Variants in INPP5A observed in about 807,000 individuals in gnomAD.
INPP5A encodes inositol polyphosphate-5-phosphatase A.
Under a neutral mutation model 65.2 loss-of-function variants are expected in INPP5A, and 14 were observed. The ratio of observed to expected loss-of-function variants is 0.21; its 90% confidence interval spans 0.14 to 0.34. The LOEUF is 0.34. Among genes scored for constraint, INPP5A ranks in the 10% least tolerant of loss-of-function variants. The pLI is 1.00. For missense variants in INPP5A, 431 were observed against 545.6 expected, an observed-to-expected ratio of 0.79 and a Z score of 2.09; for synonymous variants, 207 against 208.3, an observed-to-expected ratio of 0.99 and a Z score of 0.05.
At chr10:132,719,073 C>T (rs1471645700) in intron 8 of INPP5A, among the ~76,000 whole-genome samples, 1 of 134,012 alleles carries the variant, frequency 7.5e-6, no homozygotes, top group African/African-American at 2.8e-5. Context: ...GGCTGTCTCG[C>T]GGGTTCTGTG....
chr10:132,726,797 A>G (rs1404834280), intron 8 of INPP5A, 24 bp from the exon 9 acceptor site: 1 of 1,568,870 alleles, frequency 6.4e-7, no homozygotes, highest in Non-Finnish European at 8.7e-7. Flanking sequence ...CGCCCTCGGT[A>G]ACAAGTCCTC....
Position 132,698,000 on chromosome 10 carries a change from G to T in INPP5A, c.474+81G>T. The T allele has an allele frequency of 3.4e-6, 3 of 873,584 alleles. No individual in the cohort carries two copies. Among genetic ancestry groups the T allele is most frequent in the Non-Finnish European group, 3.8e-6 (2 of 526,724 alleles). 54.1% of individuals were successfully genotyped at this position (873,584 alleles called of 1,614,324 possible). The stretch of plus-strand genomic sequence containing the variant: ...AAGTGACATGGAACACGGAATTTTC[G>T]CATTGCACTGTTACTAGTCACAGCT... On this transcript the variant is annotated intron_variant, in intron 6 of 15. Coordinates refer to ENST00000368594, the MANE Select transcript of INPP5A (RefSeq NM_005539.5). This position sits in a 1 kb window ranked among gnomAD's most constrained non-coding sequence, Gnocchi z 5.6.
In INPP5A at chr10:132,587,376, CTG is replaced by C. The variant is rs2071557889; in HGVS notation, c.76-20538_76-20537del. 6.6e-6 allele frequency among the ~76,000 whole-genome samples: 1 copy of C among 152,178 alleles called. No homozygotes were observed. The highest frequency in any genetic ancestry group is 1.5e-5 in the Non-Finnish European group (1 of 68,034). On this transcript the variant is annotated intron_variant, in intron 1 of 15. Transcript: ENST00000368594. This position sits in a 1 kb window ranked among gnomAD's most constrained non-coding sequence, Gnocchi z 4.3. The stretch of plus-strand genomic sequence containing the variant: ...AGTTGGGTGGCCCAGCCTGCTTCTG[CTG>C]CTGCCAGCACAGCCCATGGTGTGCT...
intron 8 of INPP5A, among the ~76,000 whole-genome samples, chr10:132,724,590 G>A (rs1371669137): frequency 6.6e-6 from 1 of 151,738 alleles, no homozygotes; most frequent in Admixed American, 6.6e-5. Context: ...CTCACAAGGA[G>A]GCCCCAGGCC....
At position 132,550,931 on chromosome 10, in the gene INPP5A, C is replaced by T. The variant is rs2071041187; in HGVS notation, c.75+12760C>T. 6.6e-6 allele frequency among the ~76,000 whole-genome samples: 1 copy of T among 152,180 alleles called. No homozygotes were observed. The highest frequency in any genetic ancestry group is 1.5e-5 in the Non-Finnish European group (1 of 68,014). ...TGGGTGCGTGGCTCTCTAGGGTGGA[C>T]CTGGCCATCCTTGGGTGACAGTGGG... On this transcript the variant is annotated intron_variant, in intron 1 of 15. Coordinates refer to ENST00000368594, the MANE Select transcript of INPP5A (RefSeq NM_005539.5). This position sits in a 1 kb window ranked among gnomAD's most constrained non-coding sequence, Gnocchi z 4.2.
chr10:132,552,598 T>G (rs1160757166), intron 1 of INPP5A, among the ~76,000 whole-genome samples: 1 of 137,684 alleles, frequency 7.3e-6, no homozygotes, highest in Non-Finnish European at 1.6e-5. Flanking sequence ...TCTCAGAGCC[T>G]TGGTGGCATA....
At chr10:132,717,839 T>C (rs1212947358) in intron 8 of INPP5A, among the ~76,000 whole-genome samples, 1 of 148,128 alleles carries the variant, frequency 6.8e-6, no homozygotes, top group Non-Finnish European at 1.5e-5. Flanking sequence ...CTTAGACGGC[T>C]GTCTTGCGGG....
intron 1 of INPP5A, among the ~76,000 whole-genome samples, chr10:132,578,940 C>T (rs972318897): frequency 3.3e-5 from 5 of 152,266 alleles, no homozygotes; most frequent in Middle Eastern, 3.4e-3. Context: ...GGGTAGAGGT[C>T]GGGCCTCACA....
chr10:132,755,427 T>A (rs1846582037), intron 11 of INPP5A, among the ~76,000 whole-genome samples: 1 of 149,902 alleles, frequency 6.7e-6, no homozygotes, highest in South Asian at 2.1e-4. Context: ...CATATGCATA[T>A]GAGTGGGTGT....
chr10:132,546,471 C>T lies in INPP5A; in HGVS notation c.75+8300C>T, dbSNP rs775879946. 5.9e-5 allele frequency among the ~76,000 whole-genome samples: 9 copies of T among 152,160 alleles called. No homozygotes were observed. Among genetic ancestry groups the T allele is most frequent in the East Asian group, 1.9e-4 (1 of 5,154 alleles). On this transcript the variant is annotated intron_variant, in intron 1 of 15. Coordinates refer to ENST00000368594, the MANE Select transcript of INPP5A (RefSeq NM_005539.5). The surrounding 1 kb of genome is among the most constrained non-coding windows in gnomAD (Gnocchi z 5.7). ...CGGTTGTCTTCTTGATCCTTCTCTCCGACAGGAGTGTGAGACTCCTCTTCA... is the reference window on the plus strand; with the variant it reads ...CGGTTGTCTTCTTGATCCTTCTCTCTGACAGGAGTGTGAGACTCCTCTTCA...
chr10:132,545,116 G>A lies in INPP5A; in HGVS notation c.75+6945G>A, dbSNP rs974921246. Among the ~76,000 whole-genome samples the A allele has an allele frequency of 1.3e-5, 2 of 152,182 alleles. No homozygotes were observed. The highest frequency in any genetic ancestry group is 2.1e-4 in the South Asian group (1 of 4,802). ...CAGCACCACTGAGGAGTGTCTGTCCGTGTGGAGTTGTGGGGCAGGTGGAGC... is the reference window on the plus strand; with the variant it reads ...CAGCACCACTGAGGAGTGTCTGTCCATGTGGAGTTGTGGGGCAGGTGGAGC... On this transcript the variant is annotated intron_variant, in intron 1 of 15. Transcript: ENST00000368594. This position sits in a 1 kb window ranked among gnomAD's most constrained non-coding sequence, Gnocchi z 4.6.
At chr10:132,626,157 G>C (rs1245620951) in intron 2 of INPP5A, among the ~76,000 whole-genome samples, 1 of 152,210 alleles carries the variant, frequency 6.6e-6, no homozygotes, top group African/African-American at 2.4e-5. Context: ...AGCCAGTTCC[G>C]TGTTGTCACA....
At chr10:132,692,650 G>C (rs1337513522) in intron 5 of INPP5A, among the ~76,000 whole-genome samples, 1 of 152,190 alleles carries the variant, frequency 6.6e-6, no homozygotes, top group Admixed American at 6.5e-5. Flanking sequence ...AGAGAGTAGT[G>C]TGAAACATTT....
intron 4 of INPP5A, among the ~76,000 whole-genome samples, chr10:132,653,016 C>T (rs542497201): frequency 3.9e-5 from 6 of 152,306 alleles, no homozygotes; most frequent in African/African-American, 4.8e-5. Flanking sequence ...GGGCAGTGCC[C>T]GCCACCCGCA....
At chr10:132,632,019 C>G (rs558019471) in intron 2 of INPP5A, among the ~76,000 whole-genome samples, 1 of 152,216 alleles carries the variant, frequency 6.6e-6, no homozygotes, top group African/African-American at 2.4e-5. Context: ...AGCTCAGACT[C>G]GTGGGTGGAG....
chr10:132,688,523 C>T (rs566392938), intron 4 of INPP5A, among the ~76,000 whole-genome samples: 2 of 152,332 alleles, frequency 1.3e-5, no homozygotes, highest in Admixed American at 6.5e-5. Flanking sequence ...AGCAGGAGGT[C>T]CACACTGGGG....
chr10:132,573,670 T>G (rs1173160415), intron 1 of INPP5A, among the ~76,000 whole-genome samples: 10 of 81,732 alleles, frequency 1.2e-4, no homozygotes, highest in South Asian at 5.5e-4. Context: ...GCGTGCCGTG[T>G]GAGGTTTTGT....
At chr10:132,652,054 C>T (rs547683376) in intron 4 of INPP5A, among the ~76,000 whole-genome samples, 1 of 152,302 alleles carries the variant, frequency 6.6e-6, no homozygotes, top group African/African-American at 2.4e-5. Flanking sequence ...TCCCTCTCCC[C>T]CTTGGTCCCT....
intron 2 of INPP5A, among the ~76,000 whole-genome samples, chr10:132,633,048 C>A (rs2072295562): frequency 6.6e-6 from 1 of 152,208 alleles, no homozygotes; most frequent in South Asian, 2.1e-4. Flanking sequence ...CTCCCTTCCC[C>A]ATGGAGGAGG....
Sources: gnomAD v4.1 joint callset for allele counts (sites outside exome capture counted in the v4.1 genomes callset) on GRCh38, gnomAD v4.1.1 for gene constraint, Gnocchi (gnomAD v3.1) non-coding constraint, MANE v1.5 for transcripts, NCBI Gene and HGNC (gene_info 2026-07-23, HGNC 2026-07-21) for gene names.